TMEM170B: variants seen among roughly 807,000 people sequenced by gnomAD.
TMEM170B encodes the protein transmembrane protein 170B.
TMEM170B carries 6 observed loss-of-function variants against 13.0 expected under a neutral mutation model. The observed-to-expected ratio is 0.46, with a 90% CI of 0.25 to 0.91. TMEM170B has a LOEUF of 0.91. Among genes scored for constraint, TMEM170B ranks in the 40% least tolerant of loss-of-function variants. The pLI is 0.17. For synonymous variants in TMEM170B, 61 were observed against 64.9 expected (o/e 0.94, Z 0.29); for missense variants, 138 against 165.2 (o/e 0.84, Z 0.90).
intron 1 of TMEM170B, among the ~76,000 whole-genome samples, chr6:11,549,162 A>C (rs983386998): frequency 1.3e-5 from 2 of 152,234 alleles, no homozygotes; most frequent in African/African-American, 2.4e-5. Context: ...GAATAAGTCT[A>C]CTGATGGCTA....
intron 1 of TMEM170B, among the ~76,000 whole-genome samples, chr6:11,545,377 C>A (rs910815423): frequency 2.0e-5 from 3 of 151,460 alleles, no homozygotes; most frequent in African/African-American, 7.3e-5. Flanking sequence ...TGTTCCAAAA[C>A]CCCCAGTGGG....
chr6:11,538,477 G>A, intron 1 of TMEM170B, 103 bp downstream of exon 1: 1 of 883,370 alleles, frequency 1.1e-6, no homozygotes, highest in East Asian at 3.6e-5. Flanking sequence ...ACCCCCGTGC[G>A]CGCCCCGCTC....
At chr6:11,542,322 T>G (rs1236942314) in intron 1 of TMEM170B, among the ~76,000 whole-genome samples, 1 of 152,192 alleles carries the variant, frequency 6.6e-6, no homozygotes, top group Non-Finnish European at 1.5e-5. Flanking sequence ...TAAGTAAGAT[T>G]CTAATGATTA....
chr6:11,561,130 A>G (rs1759658925), intron 1 of TMEM170B, among the ~76,000 whole-genome samples: 1 of 152,244 alleles, frequency 6.6e-6, no homozygotes, highest in East Asian at 1.9e-4. Flanking sequence ...TTTCTGAGAT[A>G]CGTTCTGGAA....
At position 11,576,615 on chromosome 6, in the gene TMEM170B, A is replaced by C. The variant is rs534662098; in HGVS notation, c.*1054A>C. 1.3e-5 allele frequency: 2 copies of C among 152,188 alleles called. No individual in the cohort carries two copies. Among genetic ancestry groups the C allele is most frequent in the Non-Finnish European group, 2.9e-5 (2 of 67,998 alleles). The allele number at this position is 152,188 out of a possible 1,614,324, so 9.4% of individuals were successfully genotyped here. On this transcript the variant is annotated 3_prime_UTR_variant, in exon 3 of 3. Coordinates refer to ENST00000379426, the MANE Select transcript of TMEM170B (RefSeq NM_001100829.3). Reference sequence around the variant, plus strand: ...ATTAGGCTCTGGAAATAAAGACCTCATTTGTAGAAATAAGTAACAAGTAAG... The same window carrying C: ...ATTAGGCTCTGGAAATAAAGACCTCCTTTGTAGAAATAAGTAACAAGTAAG...
In TMEM170B at chr6:11,537,815, C is replaced by T. The variant is rs1482462765; in HGVS notation, c.-463C>T. 6.6e-6 allele frequency among the ~76,000 whole-genome samples: 1 copy of T among 151,494 alleles called. No homozygotes were observed. The highest frequency in any genetic ancestry group is 2.4e-5 in the African/African-American group (1 of 41,314). Reference sequence around the variant, plus strand: ...GGTGCCGCCGCAGCCTCTGGCTGGTCCCGCGTCTCCGTCCTCCGGCGGCGA... The same window carrying T: ...GGTGCCGCCGCAGCCTCTGGCTGGTTCCGCGTCTCCGTCCTCCGGCGGCGA... On this transcript the variant is annotated 5_prime_UTR_variant, in exon 1 of 3. Coordinates refer to ENST00000379426, the MANE Select transcript of TMEM170B (RefSeq NM_001100829.3).
intron 2 of TMEM170B, among the ~76,000 whole-genome samples, chr6:11,574,834 G>A (rs1314330740): frequency 2.0e-5 from 3 of 152,038 alleles, no homozygotes; most frequent in Admixed American, 6.6e-5. Flanking sequence ...CTTATTAGAC[G>A]TCAAGATACT....
At chr6:11,566,199 C>T (rs746177926) in intron 2 of TMEM170B, among the ~76,000 whole-genome samples, 4 of 152,180 alleles carry the variant, frequency 2.6e-5, no homozygotes, top group Non-Finnish European at 5.9e-5. Flanking sequence ...TGATAATTAT[C>T]ATAAGCAAAA....
At chr6:11,560,454 A>G (rs1759648869) in intron 1 of TMEM170B, among the ~76,000 whole-genome samples, 1 of 151,562 alleles carries the variant, frequency 6.6e-6, no homozygotes, top group Non-Finnish European at 1.5e-5. Context: ...TTGATAAAGA[A>G]TAGAATGAGA....
chr6:11,558,033 C>T (rs1249774973), intron 1 of TMEM170B, among the ~76,000 whole-genome samples: 2 of 152,208 alleles, frequency 1.3e-5, no homozygotes, highest in African/African-American at 4.8e-5. Flanking sequence ...CCTCAGCCTC[C>T]TGAGTAGCTG....
intron 2 of TMEM170B, among the ~76,000 whole-genome samples, chr6:11,572,915 A>T (rs780960369): frequency 3.3e-5 from 5 of 152,162 alleles, no homozygotes; most frequent in Non-Finnish European, 5.9e-5. Context: ...TTCAGTTCAT[A>T]CAAATCTATA....
chr6:11,545,549 C>T (rs942252776), intron 1 of TMEM170B, among the ~76,000 whole-genome samples: 1 of 151,940 alleles, frequency 6.6e-6, no homozygotes, highest in East Asian at 1.9e-4. Context: ...AATGTCATAG[C>T]GCAACACGTT....
chr6:11,546,615 A>G (rs1407694004), intron 1 of TMEM170B, among the ~76,000 whole-genome samples: 8 of 152,118 alleles, frequency 5.3e-5, no homozygotes, highest in Admixed American at 2.6e-4. Context: ...CTTTTATGCT[A>G]TATTTTTACT....
rs1178905711 is a variant in TMEM170B, at chr6:11,583,349, A to C, written c.*7788A>C. 1 of 152,256 alleles carries C rather than the reference A, an allele frequency of 6.6e-6. No individual in the cohort carries two copies. The highest frequency in any genetic ancestry group is 1.5e-5 in the Non-Finnish European group (1 of 68,052). 9.4% of individuals were successfully genotyped at this position (152,256 alleles called of 1,614,324 possible). On this transcript the variant is annotated 3_prime_UTR_variant, in exon 3 of 3. Transcript: ENST00000379426. Reference sequence around the variant, plus strand: ...TGTGGCTCTCCTCTTTGTAATATACAGGGTGAACTCTTTACTGATACACAC... The same window carrying C: ...TGTGGCTCTCCTCTTTGTAATATACCGGGTGAACTCTTTACTGATACACAC...
chr6:11,546,071 G>A (rs1582138030), intron 1 of TMEM170B, among the ~76,000 whole-genome samples: 1 of 148,736 alleles, frequency 6.7e-6, no homozygotes, highest in East Asian at 2.0e-4. Flanking sequence ...AGATCCTTCA[G>A]GAGCCATTCC....
chr6:11,543,610 CAT>C (rs1352984742), intron 1 of TMEM170B, among the ~76,000 whole-genome samples: 4 of 152,086 alleles, frequency 2.6e-5, no homozygotes, highest in African/African-American at 9.7e-5. Context: ...TATGATAACA[CAT>C]ATGTTAACTC....
intron 1 of TMEM170B, among the ~76,000 whole-genome samples, chr6:11,553,133 A>G (rs549672174): frequency 2.0e-5 from 3 of 152,258 alleles, no homozygotes; most frequent in Admixed American, 1.3e-4. Context: ...GGACCGCTGC[A>G]TATACCAAAA....
chr6:11,569,959 C>T (rs1759779989), intron 2 of TMEM170B, among the ~76,000 whole-genome samples: 1 of 151,812 alleles, frequency 6.6e-6, no homozygotes, highest in Non-Finnish European at 1.5e-5. Context: ...AGGAATAGGT[C>T]CCTCTTGTTA....
intron 1 of TMEM170B, among the ~76,000 whole-genome samples, chr6:11,563,373 T>G (rs1056425313): frequency 6.6e-5 from 10 of 152,068 alleles, no homozygotes; most frequent in Admixed American, 2.0e-4. Context: ...CTGTGACAAG[T>G]GATGTGTGGT....
Sources: allele counts gnomAD v4.1 joint callset (sites outside exome capture counted in the v4.1 genomes callset), GRCh38; gene constraint gnomAD v4.1.1; transcripts MANE v1.5; gene names NCBI Gene and HGNC (gene_info 2026-07-23, HGNC 2026-07-21).